The following PALLD variants were observed in gnomAD, a reference collection of about 807,000 sequenced individuals.
The protein encoded by PALLD is palladin.
Under a neutral mutation model 123.5 loss-of-function variants are expected in PALLD, and 61 were observed. The observed-to-expected ratio is 0.49, with a 90% CI of 0.40 to 0.61. PALLD has a LOEUF of 0.61. PALLD is among the 20% of genes least tolerant of loss of function. The pLI, the probability that PALLD is intolerant of heterozygous loss-of-function variation, is 0.00. For missense variants in PALLD, 1,273 were observed against 1,377.0 expected (o/e 0.92, Z 1.20); for synonymous variants, 465 against 496.4 (o/e 0.94, Z 0.84).
chr4:168,680,013 T>G (rs1212654056), intron 3 of PALLD, among the ~76,000 whole-genome samples: 1 of 152,036 alleles, frequency 6.6e-6, no homozygotes, highest in Non-Finnish European at 1.5e-5. Flanking sequence ...GGAAAACATA[T>G]CACAGTAGAG....
chr4:168,672,704 C>T (rs761905033), intron 3 of PALLD, among the ~76,000 whole-genome samples: 18 of 152,152 alleles, frequency 1.2e-4, no homozygotes, highest in Non-Finnish European at 2.1e-4. Context: ...GTCATCCACC[C>T]GCCTCGGCCT....
chr4:168,620,430 G>T (rs1774654102), intron 2 of PALLD, among the ~76,000 whole-genome samples: 1 of 152,166 alleles, frequency 6.6e-6, no homozygotes, highest in Non-Finnish European at 1.5e-5. Flanking sequence ...ACTGCAACCT[G>T]GGCGACAGAG....
At chr4:168,894,045 C>T in intron 11 of PALLD, 1 of 166,998 alleles carries the variant, frequency 6.0e-6, no homozygotes, top group Non-Finnish European at 1.3e-5. Flanking sequence ...AGCTCATCCA[C>T]ATCTTCCTTT....
At chr4:168,737,934 C>T (rs897523801) in intron 10 of PALLD, among the ~76,000 whole-genome samples, 5 of 152,224 alleles carry the variant, frequency 3.3e-5, no homozygotes, top group African/African-American at 1.2e-4. Flanking sequence ...GAGACAGCAG[C>T]AGCTGTGAGG....
At chr4:168,906,770 G>T (rs1007315909) in intron 15 of PALLD, among the ~76,000 whole-genome samples, 6 of 151,962 alleles carry the variant, frequency 3.9e-5, no homozygotes, top group African/African-American at 1.5e-4. Flanking sequence ...AATTACAAGC[G>T]TGAGCCACTG....
chr4:168,709,195 G>A (rs1165815384), intron 9 of PALLD, 48 bp downstream of exon 9: 10 of 1,604,316 alleles, frequency 6.2e-6, no homozygotes, highest in South Asian at 2.2e-5. Context: ...CCCAGCACCA[G>A]TGTGGATGGC....
intron 2 of PALLD, among the ~76,000 whole-genome samples, chr4:168,581,980 C>T (rs1225054371): frequency 6.6e-6 from 1 of 151,950 alleles, no homozygotes; most frequent in Non-Finnish European, 1.5e-5. Context: ...ATATAAATAT[C>T]CAGTTTTTCT....
intron 10 of PALLD, chr4:168,877,802 C>T: frequency 8.1e-7 from 1 of 1,241,550 alleles, no homozygotes; most frequent in Non-Finnish European, 1.0e-6. Flanking sequence ...TCCGCCAGCC[C>T]CGCGCAGCGC....
chr4:168,789,916 G>C (rs149931347), intron 10 of PALLD, among the ~76,000 whole-genome samples: 20 of 152,100 alleles, frequency 1.3e-4, no homozygotes, highest in African/African-American at 4.3e-4. Context: ...TTAACACCGT[G>C]AAAAATCAAA....
chr4:168,908,577 T>G (rs141338791), intron 15 of PALLD, among the ~76,000 whole-genome samples: 47 of 152,272 alleles, frequency 3.1e-4, no homozygotes, highest in African/African-American at 1.1e-3. Flanking sequence ...AAAACTGAAG[T>G]TGACTCCTTA....
chr4:168,525,538 CA>C (rs1484421911), intron 2 of PALLD, among the ~76,000 whole-genome samples: 1 of 152,214 alleles, frequency 6.6e-6, no homozygotes, highest in Non-Finnish European at 1.5e-5. Flanking sequence ...CCCCATTGTA[CA>C]CACTCAGCTC....
chr4:168,801,606 A>G (rs1466300345), intron 10 of PALLD, among the ~76,000 whole-genome samples: 1 of 152,234 alleles, frequency 6.6e-6, no homozygotes, highest in African/African-American at 2.4e-5. Flanking sequence ...AGACGTGCAG[A>G]TAGAAATTAT....
chr4:168,891,407 C>T (rs961718257), intron 11 of PALLD, among the ~76,000 whole-genome samples: 4 of 152,156 alleles, frequency 2.6e-5, no homozygotes, highest in Admixed American at 2.0e-4. Context: ...GCGATCTGCC[C>T]GCCTTGGCCT....
At chr4:168,715,020 T>C (rs1785211470) in intron 10 of PALLD, among the ~76,000 whole-genome samples, 1 of 152,026 alleles carries the variant, frequency 6.6e-6, no homozygotes, top group Admixed American at 6.6e-5. Context: ...ACAGAAGTCG[T>C]CACCTATAGA....
At chr4:168,747,079 T>C (rs1730424872) in intron 10 of PALLD, among the ~76,000 whole-genome samples, 1 of 152,244 alleles carries the variant, frequency 6.6e-6, no homozygotes, top group South Asian at 2.1e-4. Context: ...AGTTGGATTC[T>C]ATTTACTACA....
At chr4:168,642,657 C>G (rs1777078280) in intron 2 of PALLD, among the ~76,000 whole-genome samples, 1 of 152,264 alleles carries the variant, frequency 6.6e-6, no homozygotes, top group Non-Finnish European at 1.5e-5. Context: ...CCGCCTTGGT[C>G]TCCCAAAGTG....
At chr4:168,665,135 A>T (rs1779508169) in intron 2 of PALLD, among the ~76,000 whole-genome samples, 1 of 152,202 alleles carries the variant, frequency 6.6e-6, no homozygotes, top group African/African-American at 2.4e-5. Flanking sequence ...ATATACTAGG[A>T]TACAATCATG....
At chr4:168,764,133 G>T (rs1473290885) in intron 10 of PALLD, among the ~76,000 whole-genome samples, 1 of 152,124 alleles carries the variant, frequency 6.6e-6, no homozygotes, top group Non-Finnish European at 1.5e-5. Flanking sequence ...CTTACTATAT[G>T]TCTTCTTATA....
intron 2 of PALLD, among the ~76,000 whole-genome samples, chr4:168,565,918 T>C (rs945799510): frequency 2.0e-5 from 3 of 152,200 alleles, no homozygotes; most frequent in African/African-American, 7.2e-5. Context: ...ATAATGCTAG[T>C]GGCTGTTGCA....
Sources: gnomAD v4.1 joint callset for allele counts (sites outside exome capture counted in the v4.1 genomes callset) on GRCh38, gnomAD v4.1.1 for gene constraint, MANE v1.5 for transcripts, NCBI Gene and HGNC (gene_info 2026-07-23, HGNC 2026-07-21) for gene names.